The following PTPRG variants were observed in gnomAD, a reference collection of about 807,000 sequenced individuals.
PTPRG encodes receptor-type tyrosine-protein phosphatase gamma.
PTPRG carries 102 observed loss-of-function variants against 165.3 expected under a neutral mutation model. That is an observed-to-expected ratio of 0.62 (90% CI 0.53 to 0.73). The LOEUF is 0.73. Ranked by LOEUF, PTPRG falls within the 30% of genes least tolerant of loss-of-function variation. The probability of loss-of-function intolerance (pLI) is 0.00; values close to 1 mark genes in which losing one functional copy is unlikely to be tolerated. For missense variants in PTPRG, 1,866 were observed against 1,861.4 expected (o/e 1.00, Z -0.05); for synonymous variants, 675 against 669.5 (o/e 1.01, Z -0.13).
At chr3:62,156,776 G>A (rs1265148266) in intron 6 of PTPRG, among the ~76,000 whole-genome samples, 1 of 152,132 alleles carries the variant, frequency 6.6e-6, no homozygotes, top group Non-Finnish European at 1.5e-5. Flanking sequence ...AGAATATTTT[G>A]TCTATTTCCT....
chr3:62,204,068 A>T, intron 12 of PTPRG, 118 bp downstream of exon 12: 1 of 1,424,904 alleles, frequency 7.0e-7, no homozygotes, highest in Non-Finnish European at 9.2e-7. Flanking sequence ...TTAGAATCAT[A>T]TATGTCTGTC....
intron 2 of PTPRG, among the ~76,000 whole-genome samples, chr3:61,847,771 G>T (rs1366428336): frequency 6.6e-6 from 1 of 152,202 alleles, no homozygotes; most frequent in Non-Finnish European, 1.5e-5. Flanking sequence ...CTGCCTTAAA[G>T]TTGGGCTGGT....
chr3:61,587,660 T>C (rs1700465355), intron 1 of PTPRG, among the ~76,000 whole-genome samples: 1 of 152,144 alleles, frequency 6.6e-6, no homozygotes, highest in African/African-American at 2.4e-5. Context: ...CTTATTTTAT[T>C]TTATTATTTT....
intron 4 of PTPRG, among the ~76,000 whole-genome samples, chr3:62,055,022 G>C (rs999090127): frequency 6.6e-6 from 1 of 152,194 alleles, no homozygotes; most frequent in African/African-American, 2.4e-5. Flanking sequence ...AATCTTGAAA[G>C]ATGATGAGTA....
At chr3:62,084,719 C>T (rs1472890947) in intron 5 of PTPRG, among the ~76,000 whole-genome samples, 1 of 152,192 alleles carries the variant, frequency 6.6e-6, no homozygotes, top group Non-Finnish European at 1.5e-5. Context: ...CCTTCCCCCT[C>T]CTTCCCCACC....
chr3:62,085,296 G>T lies in PTPRG; in HGVS notation c.615+7038G>T, dbSNP rs1455574822. On this transcript the variant is annotated intron_variant, in intron 5 of 29. Transcript: ENST00000474889. Reference sequence around the variant, plus strand: ...GTTGCTGTTTGTGTCAGAAGTGTAAGATTCTTGAGCTGGTCAAGGACATTG... The same window carrying T: ...GTTGCTGTTTGTGTCAGAAGTGTAATATTCTTGAGCTGGTCAAGGACATTG... 4.6e-5 allele frequency among the ~76,000 whole-genome samples: 7 copies of T among 151,998 alleles called. No individual in the cohort carries two copies. In the East Asian group the frequency reaches 1.4e-3, roughly 29 times the overall value.
At chr3:61,688,920 A>G (rs2029962901) in intron 1 of PTPRG, among the ~76,000 whole-genome samples, 3 of 152,310 alleles carry the variant, frequency 2.0e-5, no homozygotes, top group South Asian at 2.1e-4. Context: ...TCAATGCATC[A>G]GGGAAAATAT....
intron 1 of PTPRG, among the ~76,000 whole-genome samples, chr3:61,694,663 C>A (rs928906848): frequency 1.4e-4 from 22 of 152,132 alleles, no homozygotes; most frequent in Non-Finnish European, 1.5e-5. Flanking sequence ...TCCTAGATAT[C>A]CATAATTAGG....
At chr3:61,948,279 C>T (rs1027005263) in intron 2 of PTPRG, among the ~76,000 whole-genome samples, 1 of 152,108 alleles carries the variant, frequency 6.6e-6, no homozygotes, top group Admixed American at 6.5e-5. Context: ...GAGCCGAGAT[C>T]GCTCCATTGC....
rs1699794322 is a variant in PTPRG at position 62,190,913 on chromosome 3, C to T, written c.1034-556C>T. The stretch of plus-strand genomic sequence containing the variant: ...ATATATGAGATAATAGTATTGAATT[C>T]ATGTTTAGTTTCTTTCATGTGAAAC... On this transcript the variant is annotated intron_variant, in intron 8 of 29. Coordinates refer to ENST00000474889, the MANE Select transcript of PTPRG (RefSeq NM_002841.4). The surrounding 1 kb of genome is among the most constrained non-coding windows in gnomAD (Gnocchi z 5.2). Among the ~76,000 whole-genome samples the T allele has an allele frequency of 6.6e-6, 1 of 152,172 alleles. No individual in the cohort carries two copies. Among genetic ancestry groups the T allele is most frequent in the African/African-American group, 2.4e-5 (1 of 41,444 alleles).
rs368630121 is a variant in PTPRG, at chr3:62,021,666, GT to G, written c.519+18172del. On this transcript the variant is annotated intron_variant, in intron 4 of 29. Transcript: ENST00000474889. The stretch of plus-strand genomic sequence containing the variant: ...TACCTTTACCTTCGTGAATTGAGAA[GT>G]TTGGGTTGCTATGCTAAAAGTTAAT... Among the ~76,000 whole-genome samples, 185 of 152,228 alleles carry G rather than the reference GT, an allele frequency of 1.2e-3. 1 individual carries two copies. The highest frequency in any genetic ancestry group is 4.2e-3 in the African/African-American group (175 of 41,548).
chr3:61,877,840 C>G (rs2037786059), intron 2 of PTPRG, among the ~76,000 whole-genome samples: 1 of 152,142 alleles, frequency 6.6e-6, no homozygotes, highest in Non-Finnish European at 1.5e-5. Flanking sequence ...GGTTAGCGAC[C>G]TTTCAGAATT....
intron 2 of PTPRG, among the ~76,000 whole-genome samples, chr3:61,941,460 TAAAA>T (rs2039626555): frequency 6.6e-6 from 1 of 151,980 alleles, no homozygotes; most frequent in Admixed American, 6.6e-5. Context: ...CCGTCTCTAC[TAAAA>T]TACAAAAAAT....
At chr3:61,933,441 T>C (rs908243810) in intron 2 of PTPRG, among the ~76,000 whole-genome samples, 1 of 152,164 alleles carries the variant, frequency 6.6e-6, no homozygotes, top group Non-Finnish European at 1.5e-5. Context: ...TATAAAATAG[T>C]CATGATGAGA....
At chr3:62,020,853 T>TG (rs570005431) in intron 4 of PTPRG, among the ~76,000 whole-genome samples, 1 of 151,648 alleles carries the variant, frequency 6.6e-6, no homozygotes, top group Non-Finnish European at 1.5e-5. Context: ...TTGTTTTTTT[T>TG]TTTTGGATAC....
Position 61,912,452 on chromosome 3 carries a change from C to G in PTPRG, c.191-77173C>G, listed in dbSNP as rs373887714. On this transcript the variant is annotated intron_variant, in intron 2 of 29. Coordinates refer to ENST00000474889, the MANE Select transcript of PTPRG (RefSeq NM_002841.4). ...ATCATTTAGAATTAGGCTTTGCTTACTGAAGTCAAACTGCAAAGCTTCACT... is the reference window on the plus strand; with the variant it reads ...ATCATTTAGAATTAGGCTTTGCTTAGTGAAGTCAAACTGCAAAGCTTCACT... 2.9e-4 allele frequency among the ~76,000 whole-genome samples: 44 copies of G among 152,214 alleles called. 1 individual carries two copies. The highest frequency in any genetic ancestry group is 1.1e-3 in the African/African-American group (44 of 41,522).
At chr3:61,727,046 C>CA (rs35873334) in intron 1 of PTPRG, among the ~76,000 whole-genome samples, 35,915 of 105,552 alleles carry the variant, frequency 0.34, 5,240 homozygotes, top group East Asian at 0.74. Context: ...GACTCCGTCT[C>CA]AAAAAAAAAA....
chr3:61,764,793 T>C (rs2033963390), intron 2 of PTPRG, among the ~76,000 whole-genome samples: 1 of 152,340 alleles, frequency 6.6e-6, no homozygotes, highest in South Asian at 2.1e-4. Context: ...AATTTTGCAT[T>C]GTTCTAGAGA....
intron 2 of PTPRG, among the ~76,000 whole-genome samples, chr3:61,751,723 G>A (rs2033436446): frequency 6.6e-6 from 1 of 152,174 alleles, no homozygotes; most frequent in African/African-American, 2.4e-5. Context: ...GGGCGCAGTG[G>A]CTCACGCCTG....
Sources: gnomAD v4.1 joint callset for allele counts (sites outside exome capture counted in the v4.1 genomes callset) on GRCh38, gnomAD v4.1.1 for gene constraint, Gnocchi (gnomAD v3.1) non-coding constraint, MANE v1.5 for transcripts, NCBI Gene and HGNC (gene_info 2026-07-23, HGNC 2026-07-21) for gene names.